The following MROH9 variants were observed in gnomAD, a reference collection of about 807,000 sequenced individuals.
MROH9 encodes maestro heat-like repeat-containing protein family member 9.
A neutral mutation model predicts 98.2 loss-of-function variants in MROH9; 92 were observed. The ratio of observed to expected loss-of-function variants is 0.94; its 90% CI spans 0.79 to 1.11. The LOEUF is 1.11. Among genes scored for constraint, MROH9 ranks in the 50% most tolerant of loss-of-function variants. The pLI, the probability that MROH9 is intolerant of heterozygous loss-of-function variation, is 0.00. For missense variants in MROH9, 1,057 were observed against 1,014.8 expected (o/e 1.04, Z -0.57); for synonymous variants, 397 against 368.9 (o/e 1.08, Z -0.87).
chr1:171,042,898 G>C (rs1375675381), intron 20 of MROH9, among the ~76,000 whole-genome samples: 1 of 152,080 alleles, frequency 6.6e-6, no homozygotes, highest in African/African-American at 2.4e-5. Flanking sequence ...CCTCTTGTCA[G>C]ATAAGTAGTT....
At chr1:170,989,593 TCAACCCTCC>T (rs1651273458) in intron 10 of MROH9, among the ~76,000 whole-genome samples, 1 of 152,240 alleles carries the variant, frequency 6.6e-6, no homozygotes, top group African/African-American at 2.4e-5. Flanking sequence ...TGTAATGAAT[TCAACCCTCC>T]CAAAATAAAC....
intron 15 of MROH9, among the ~76,000 whole-genome samples, chr1:171,009,184 C>A (rs986480208): frequency 2.6e-5 from 4 of 151,676 alleles, no homozygotes; most frequent in Admixed American, 2.6e-4. Flanking sequence ...CTCAAAGTAC[C>A]CCTCTTGTGT....
intron 20 of MROH9, among the ~76,000 whole-genome samples, chr1:171,057,454 AC>A (rs987527049): frequency 5.3e-4 from 80 of 152,240 alleles, no homozygotes; most frequent in African/African-American, 1.7e-3. Context: ...CCTCCAGGAA[AC>A]TGGGGACTTT....
chr1:171,050,085 G>A (rs1003065831), intron 20 of MROH9, among the ~76,000 whole-genome samples: 1 of 152,164 alleles, frequency 6.6e-6, no homozygotes. Context: ...CCTATGGATT[G>A]TCTGTTTACT....
intron 20 of MROH9, among the ~76,000 whole-genome samples, chr1:171,041,710 T>C (rs1653311741): frequency 6.6e-6 from 1 of 152,016 alleles, no homozygotes. Flanking sequence ...CATTCATTTT[T>C]CTCTGTAACT....
chr1:170,994,022 A>C (rs116461005), intron 12 of MROH9, among the ~76,000 whole-genome samples: 3,756 of 152,304 alleles, frequency 0.025, 137 homozygotes, highest in African/African-American at 0.086. Flanking sequence ...TGCATTTTGC[A>C]AATTTGTCTC....
intron 20 of MROH9, among the ~76,000 whole-genome samples, chr1:171,061,693 C>T (rs1654020726): frequency 6.6e-6 from 1 of 152,124 alleles, no homozygotes; most frequent in African/African-American, 2.4e-5. Flanking sequence ...ATTTGCTAGC[C>T]TCTGCCATGT....
chr1:171,014,305 G>A, intron 16 of MROH9, 51 bp downstream of exon 16: 4 of 1,496,560 alleles, frequency 2.7e-6, no homozygotes, highest in Non-Finnish European at 3.6e-6. Context: ...CATAATCTGA[G>A]ATTTTGATGT....
At chr1:171,027,523 A>G (rs1652757694) in intron 20 of MROH9, among the ~76,000 whole-genome samples, 1 of 152,170 alleles carries the variant, frequency 6.6e-6, no homozygotes, top group South Asian at 2.1e-4. Flanking sequence ...ATACATGTGC[A>G]CTTGTCTTTA....
chr1:171,037,244 T>C (rs888741962), intron 20 of MROH9, among the ~76,000 whole-genome samples: 14 of 143,222 alleles, frequency 9.8e-5, no homozygotes, highest in African/African-American at 3.6e-4. Flanking sequence ...AAGGGAGGAA[T>C]GACGGAGGGA....
At chr1:170,975,549 C>T (rs1310149776) in intron 8 of MROH9, among the ~76,000 whole-genome samples, 1 of 152,184 alleles carries the variant, frequency 6.6e-6, no homozygotes, top group Non-Finnish European at 1.5e-5. Context: ...CCTCACTCCC[C>T]TTTCACCTTC....
chr1:170,993,636 C>T (rs1018018836), intron 12 of MROH9, among the ~76,000 whole-genome samples: 27 of 151,860 alleles, frequency 1.8e-4, no homozygotes, highest in African/African-American at 6.5e-4. Context: ...GTATGTCAAA[C>T]CATAAAAGAA....
chr1:171,015,595 G>A (rs1195584042), intron 16 of MROH9, among the ~76,000 whole-genome samples: 2 of 151,502 alleles, frequency 1.3e-5, no homozygotes, highest in African/African-American at 2.4e-5. Context: ...ATTCTGTTTG[G>A]TTCTGATCTG....
chr1:171,063,420 T>C (rs552806740), intron 21 of MROH9, among the ~76,000 whole-genome samples: 48 of 151,990 alleles, frequency 3.2e-4, no homozygotes, highest in African/African-American at 1.1e-3. Flanking sequence ...GCCCGGCTAA[T>C]TTTTTGTATT....
chr1:170,954,270 A>G (rs1056971984), intron 3 of MROH9, among the ~76,000 whole-genome samples: 1 of 152,090 alleles, frequency 6.6e-6, no homozygotes, highest in Non-Finnish European at 1.5e-5. Context: ...TGTTTTCTCC[A>G]TTATTTCTTT....
intron 16 of MROH9, among the ~76,000 whole-genome samples, chr1:171,014,502 A>G (rs1306228058): frequency 6.6e-6 from 1 of 151,590 alleles, no homozygotes; most frequent in African/African-American, 2.4e-5. Flanking sequence ...TGCACTCAGA[A>G]TGTATTTATC....
At chr1:170,939,253 A>C (rs756444677) in intron 1 of MROH9, among the ~76,000 whole-genome samples, 1 of 152,270 alleles carries the variant, frequency 6.6e-6, no homozygotes, top group African/African-American at 2.4e-5. Flanking sequence ...CAGCCCATGA[A>C]TCAGTATATA....
chr1:171,063,221 T>A (rs886506623), intron 21 of MROH9, among the ~76,000 whole-genome samples: 1 of 151,826 alleles, frequency 6.6e-6, no homozygotes, highest in Admixed American at 6.6e-5. Context: ...GATATAATGA[T>A]ATTAACATTT....
chr1:171,005,357 C>T (rs978721449), intron 15 of MROH9, among the ~76,000 whole-genome samples: 1 of 152,156 alleles, frequency 6.6e-6, no homozygotes, highest in Non-Finnish European at 1.5e-5. Context: ...AGGCATGAGC[C>T]ATCACGCCTG....
Sources: gnomAD v4.1 joint callset for allele counts (sites outside exome capture counted in the v4.1 genomes callset) on GRCh38, gnomAD v4.1.1 for gene constraint, MANE v1.5 for transcripts, NCBI Gene and HGNC (gene_info 2026-07-23, HGNC 2026-07-21) for gene names.